The following STRN variants were observed in gnomAD, a reference collection of about 807,000 sequenced individuals.
The protein encoded by STRN is protein phosphatase 2 regulatory subunit B'''alpha.
STRN carries 53 observed loss-of-function variants against 96.3 expected under a neutral mutation model. The ratio of observed to expected loss-of-function variants is 0.55; its 90% CI spans 0.44 to 0.69. The LOEUF (loss-of-function observed/expected upper bound fraction) is 0.69, where lower values mean the gene tolerates loss of function less well. STRN is among the 30% of genes least tolerant of loss of function. STRN has a pLI of 0.00. For missense variants in STRN, 987 were observed against 963.9 expected (o/e 1.02, Z -0.32); for synonymous variants, 428 against 355.9 (o/e 1.20, Z -2.28).
chr2:36,868,237 C>A (rs559672218), intron 11 of STRN, among the ~76,000 whole-genome samples: 14 of 132,866 alleles, frequency 1.1e-4, no homozygotes, highest in African/African-American at 3.0e-4. Context: ...TCAGATTACT[C>A]CGTTTAAAAC....
rs1209686146 is a variant in STRN, at chr2:36,844,772, T to C, written c.*4684A>G. ...ACACTGACATGAAGATCCAGTTGGA[T>C]GATGGATATTGCCAATTAAAAAGTT... On this transcript the variant is annotated 3_prime_UTR_variant, in exon 18 of 18. Transcript: ENST00000263918. The C allele has an allele frequency of 6.6e-6, 1 of 152,140 alleles. No individual in the cohort carries two copies. Among genetic ancestry groups the C allele is most frequent in the African/African-American group, 2.4e-5 (1 of 41,430 alleles). 9.4% of individuals were successfully genotyped at this position (152,140 alleles called of 1,614,324 possible).
intron 13 of STRN, 24 bp downstream of exon 13, chr2:36,861,108 T>A (rs1198139845): frequency 6.2e-7 from 1 of 1,611,166 alleles, no homozygotes; most frequent in South Asian, 1.1e-5. Flanking sequence ...TTTTATTCCT[T>A]CAGATCTTTG....
chr2:36,869,079 T>C (rs1373518685), intron 11 of STRN, among the ~76,000 whole-genome samples: 2 of 152,164 alleles, frequency 1.3e-5, no homozygotes, highest in Non-Finnish European at 2.9e-5. Context: ...GTATGGAAAG[T>C]ACCTAAAGTC....
chr2:36,879,836 A>G (rs1669020550), intron 9 of STRN, among the ~76,000 whole-genome samples: 1 of 152,222 alleles, frequency 6.6e-6, no homozygotes, highest in Non-Finnish European at 1.5e-5. Context: ...TCATTGAATA[A>G]ATGAAAGAAT....
At chr2:36,863,899 T>C (rs1261000919) in intron 12 of STRN, among the ~76,000 whole-genome samples, 1 of 152,194 alleles carries the variant, frequency 6.6e-6, no homozygotes, top group African/African-American at 2.4e-5. Context: ...TTCCTAGTTA[T>C]TTTATCTTTT....
chr2:36,849,471 A>G lies in STRN; in HGVS notation c.2328T>C (p.Ala776=), dbSNP rs905769838. The G allele has an allele frequency of 6.2e-7, 1 of 1,614,118 alleles. No individual in the cohort carries two copies. Among genetic ancestry groups the G allele is most frequent in the Non-Finnish European group, 8.5e-7 (1 of 1,179,966 alleles). The change falls in exon 18 of 18, where the codon GCT becomes GCC. Residue 776 remains alanine, a synonymous_variant. Transcript: ENST00000263918. Reference sequence around the variant, plus strand: ...ATGCATTGCGTCATACAAAGACTTTAGCCAGTGCGTCAGCTCCAGCACTGG... The same window carrying G: ...ATGCATTGCGTCATACAAAGACTTTGGCCAGTGCGTCAGCTCCAGCACTGG... ...YIASAGADAL[A]KVFV
rs1279171037 is a variant in STRN, at chr2:36,849,337, C to G, written c.*119G>C. The G allele has an allele frequency of 8.5e-7, 1 of 1,179,646 alleles. No individual in the cohort carries two copies. Among genetic ancestry groups the G allele is most frequent in the Non-Finnish European group, 1.2e-6 (1 of 840,856 alleles). The allele number at this position is 1,179,646 out of a possible 1,614,324, so 73.1% of individuals were successfully genotyped here. On this transcript the variant is annotated 3_prime_UTR_variant, in exon 18 of 18. Transcript: ENST00000263918. ...AAAACTATACTTCAACAAATGTTCTCTGTGCTCCTTCAGCAGAACAAAAGG... is the reference window on the plus strand; with the variant it reads ...AAAACTATACTTCAACAAATGTTCTGTGTGCTCCTTCAGCAGAACAAAAGG...
chr2:36,957,744 C>CTTTTTTTTTTTTT lies in STRN; in HGVS notation c.234+8473_234+8485dup, dbSNP rs1159531782. Among the ~76,000 whole-genome samples, 111 of 89,178 alleles carry CTTTTTTTTTTTTT rather than the reference C, an allele frequency of 1.2e-3. 8 individuals are homozygous for CTTTTTTTTTTTTT. Among genetic ancestry groups the CTTTTTTTTTTTTT allele is most frequent in the Non-Finnish European group, 1.7e-3 (82 of 48,034 alleles). The allele number at this position is 89,178 out of a possible 152,430, so 58.5% of individuals were successfully genotyped here. A position where few individuals can be genotyped will look rare whatever the true frequency, so the allele number is the denominator to read the frequency against. ...TTAGTCTCATAGTTCTTCTTTTTGT[C>CTTTTTTTTTTTTT]TTTTTTTTTTTTTTTTTTTTTTTTT... On this transcript the variant is annotated intron_variant, in intron 1 of 17. Coordinates refer to ENST00000263918, the MANE Select transcript of STRN (RefSeq NM_003162.4).
intron 1 of STRN, among the ~76,000 whole-genome samples, chr2:36,934,858 C>T (rs566491410): frequency 6.6e-6 from 1 of 152,202 alleles, no homozygotes; most frequent in African/African-American, 2.4e-5. Context: ...GGATGGATCA[C>T]TTGAACTCAG....
intron 1 of STRN, among the ~76,000 whole-genome samples, chr2:36,926,347 C>T (rs1670410809): frequency 6.6e-6 from 1 of 152,298 alleles, no homozygotes; most frequent in East Asian, 1.9e-4. Context: ...ATAAGGGCCT[C>T]AAAACTAGCT....
intron 9 of STRN, among the ~76,000 whole-genome samples, chr2:36,879,086 T>G (rs951187818): frequency 2.5e-4 from 38 of 151,520 alleles, no homozygotes; most frequent in African/African-American, 7.8e-4. Context: ...TTTTTTTGTT[T>G]TTTAGATGGA....
intron 10 of STRN, among the ~76,000 whole-genome samples, chr2:36,872,003 C>A (rs1437860736): frequency 6.6e-6 from 1 of 152,226 alleles, no homozygotes; most frequent in Non-Finnish European, 1.5e-5. Context: ...TGAGTTGAAT[C>A]ATGTCTGCTC....
At chr2:36,893,210 C>CA (rs1451931892) in intron 7 of STRN, among the ~76,000 whole-genome samples, 1 of 151,984 alleles carries the variant, frequency 6.6e-6, no homozygotes, top group Non-Finnish European at 1.5e-5. Flanking sequence ...TATAAAAAGT[C>CA]AATATACAAC....
chr2:36,907,245 A>G (rs1211742902), intron 3 of STRN, among the ~76,000 whole-genome samples: 1 of 152,170 alleles, frequency 6.6e-6, no homozygotes, highest in African/African-American at 2.4e-5. Context: ...TTATTTGGTG[A>G]CATTTGAAAT....
intron 1 of STRN, among the ~76,000 whole-genome samples, chr2:36,960,753 A>C (rs1333719600): frequency 1.3e-5 from 2 of 152,220 alleles, no homozygotes; most frequent in African/African-American, 2.4e-5. Context: ...GCCTTTTGTG[A>C]TAATTATAAA....
At chr2:36,952,704 G>C (rs1021361779) in intron 1 of STRN, among the ~76,000 whole-genome samples, 7 of 152,170 alleles carry the variant, frequency 4.6e-5, no homozygotes, top group African/African-American at 1.7e-4. Context: ...GGCAGATAAA[G>C]AACAGAAAGA....
intron 3 of STRN, among the ~76,000 whole-genome samples, chr2:36,909,093 T>C (rs766797163): frequency 4.6e-5 from 7 of 150,776 alleles, no homozygotes; most frequent in African/African-American, 1.7e-4. Flanking sequence ...GAGGCGAAGG[T>C]TGCAGTGAAT....
At chr2:36,910,575 A>G (rs1669940502) in intron 3 of STRN, among the ~76,000 whole-genome samples, 1 of 152,240 alleles carries the variant, frequency 6.6e-6, no homozygotes, top group Non-Finnish European at 1.5e-5. Flanking sequence ...TAAGCCCTAA[A>G]GCAATTACTA....
intron 13 of STRN, among the ~76,000 whole-genome samples, chr2:36,860,277 G>T (rs569418869): frequency 1.1e-4 from 16 of 152,192 alleles, no homozygotes; most frequent in Non-Finnish European, 1.9e-4. Flanking sequence ...ACTGGCCTAG[G>T]ACAGAATGAG....
Sources: allele counts gnomAD v4.1 joint callset (sites outside exome capture counted in the v4.1 genomes callset), GRCh38; gene constraint gnomAD v4.1.1; transcripts MANE v1.5; gene names NCBI Gene and HGNC (gene_info 2026-07-23, HGNC 2026-07-21).